RAPGEF6: variants seen among roughly 807,000 people sequenced by gnomAD.
RAPGEF6 encodes Rap guanine nucleotide exchange factor 6.
Under a neutral mutation model 171.4 loss-of-function variants are expected in RAPGEF6, and 56 were observed. The ratio of observed to expected loss-of-function variants is 0.33; its 90% CI spans 0.26 to 0.41. The LOEUF is 0.41. Ranked by LOEUF, RAPGEF6 falls within the 10% of genes least tolerant of loss-of-function variation. The pLI, the probability that RAPGEF6 is intolerant of heterozygous loss-of-function variation, is 1.00. For synonymous variants in RAPGEF6, 692 were observed against 650.1 expected, an observed-to-expected ratio of 1.06 and a Z score of -0.98; for missense variants, 1,674 against 1,921.4, an observed-to-expected ratio of 0.87 and a Z score of 2.41.
At chr5:131,631,621 C>A (rs1057478749) in intron 1 of RAPGEF6, among the ~76,000 whole-genome samples, 1 of 152,184 alleles carries the variant, frequency 6.6e-6, no homozygotes, top group Non-Finnish European at 1.5e-5. Flanking sequence ...TAAACACCTA[C>A]AGTCTATTCT....
chr5:131,540,538 T>C (rs1325870464), intron 6 of RAPGEF6, among the ~76,000 whole-genome samples: 1 of 152,178 alleles, frequency 6.6e-6, no homozygotes, highest in African/African-American at 2.4e-5. Context: ...TTTCACAGCT[T>C]GGGCAACAGA....
At chr5:131,469,818 G>A in intron 17 of RAPGEF6, 1 of 1,521,078 alleles carries the variant, frequency 6.6e-7, no homozygotes, top group Non-Finnish European at 8.8e-7. Flanking sequence ...ACCAACAGCT[G>A]TATGCAGCAA....
chr5:131,511,751 T>G (rs1757745273), intron 7 of RAPGEF6, among the ~76,000 whole-genome samples: 1 of 152,136 alleles, frequency 6.6e-6, no homozygotes, highest in Non-Finnish European at 1.5e-5. Flanking sequence ...TCCACCCACC[T>G]TGGCCTCCCA....
At chr5:131,592,082 C>G (rs1261220895) in intron 4 of RAPGEF6, among the ~76,000 whole-genome samples, 3 of 152,062 alleles carry the variant, frequency 2.0e-5, no homozygotes, top group African/African-American at 7.2e-5. Flanking sequence ...TCTCGAACTC[C>G]CGACCTCAGG....
intron 12 of RAPGEF6, among the ~76,000 whole-genome samples, chr5:131,498,239 C>T (rs1756761258): frequency 6.6e-6 from 1 of 152,140 alleles, no homozygotes; most frequent in Admixed American, 6.5e-5. Flanking sequence ...TCAGTTTTTG[C>T]CTTTTAAGGC....
In RAPGEF6 at chr5:131,548,165, T is replaced by C; in HGVS notation, c.377A>G (p.Asp126Gly). 2 of 1,613,870 alleles carry C rather than the reference T, an allele frequency of 1.2e-6. No homozygotes were observed. The highest frequency in any genetic ancestry group is 2.2e-5 in the East Asian group (1 of 44,840). The change falls in exon 6 of 28, where the codon GAT (aspartate) becomes GGT (glycine). Residue 126 changes from aspartate to glycine, a missense_variant. This residue lies in a region of RAPGEF6 where 1,116 missense variants were observed against 1,321.5 expected (regional missense o/e 0.84). Transcript: ENST00000509018. ...AGGAATTTCTCTTTGTAGAATACTATCTTCATTATCTTTGGCATTCTCTAC... is the reference window on the plus strand; with the variant it reads ...AGGAATTTCTCTTTGTAGAATACTACCTTCATTATCTTTGGCATTCTCTAC... ...IVVENAKDNE[D>G]SILQREIPAR... is the part of the protein sequence containing the mutation.
intron 1 of RAPGEF6, among the ~76,000 whole-genome samples, chr5:131,608,151 AC>A (rs962531732): frequency 2.6e-5 from 4 of 152,182 alleles, no homozygotes; most frequent in African/African-American, 9.7e-5. Context: ...CCATTCATTT[AC>A]CTATTGGCTA....
intron 4 of RAPGEF6, among the ~76,000 whole-genome samples, chr5:131,572,325 C>T (rs554429862): frequency 2.0e-5 from 3 of 152,312 alleles, no homozygotes; most frequent in East Asian, 1.9e-4. Context: ...TCTTCACACT[C>T]GGGTAAGCGG....
intron 17 of RAPGEF6, among the ~76,000 whole-genome samples, chr5:131,465,473 A>G (rs1314814882): frequency 6.6e-6 from 1 of 152,142 alleles, no homozygotes; most frequent in Non-Finnish European, 1.5e-5. Flanking sequence ...CTGTTGCAAA[A>G]GTTTCCTTTT....
chr5:131,544,270 T>A (rs1170454697), intron 6 of RAPGEF6, among the ~76,000 whole-genome samples: 2 of 152,212 alleles, frequency 1.3e-5, no homozygotes, highest in African/African-American at 4.8e-5. Context: ...GTAGCTTTAT[T>A]TGCAATTGCC....
chr5:131,432,400 C>T (rs770313570), intron 25 of RAPGEF6, among the ~76,000 whole-genome samples: 90 of 152,176 alleles, frequency 5.9e-4, no homozygotes, highest in Non-Finnish European at 1.0e-3. Flanking sequence ...GGGCGGATCA[C>T]GAGGTCAGGA....
chr5:131,483,238 A>G (rs1199615672), intron 15 of RAPGEF6, among the ~76,000 whole-genome samples: 2 of 150,722 alleles, frequency 1.3e-5, no homozygotes, highest in Non-Finnish European at 2.9e-5. Context: ...AATCCCAGTT[A>G]CTCCAGAGGC....
chr5:131,512,555 C>T (rs191683812), intron 7 of RAPGEF6, among the ~76,000 whole-genome samples: 32 of 152,176 alleles, frequency 2.1e-4, no homozygotes, highest in Admixed American at 2.0e-3. Context: ...GATCTGTTTC[C>T]TAAGACCATG....
intron 6 of RAPGEF6, among the ~76,000 whole-genome samples, chr5:131,527,795 C>A (rs1415882307): frequency 2.6e-5 from 4 of 151,784 alleles, no homozygotes; most frequent in African/African-American, 9.7e-5. Context: ...GCGGGCGGAT[C>A]ACAAGGTCAG....
rs1219255632 is a variant in RAPGEF6 at position 131,489,142 on chromosome 5, C to A, written c.1840+404G>T. On this transcript the variant is annotated intron_variant, in intron 15 of 27. Coordinates refer to ENST00000509018, the MANE Select transcript of RAPGEF6 (RefSeq NM_016340.6). ...TCCATAAAACAGCTAATCTGGCATT[C>A]ATATTACTTCAGAAAGCTGGCTTAA... 7.9e-5 allele frequency among the ~76,000 whole-genome samples: 12 copies of A among 152,150 alleles called. 1 individual carries two copies. Among genetic ancestry groups the A allele is most frequent in the Admixed American group, 7.9e-4 (12 of 15,280 alleles).
intron 16 of RAPGEF6, among the ~76,000 whole-genome samples, chr5:131,473,785 T>C (rs1057074901): frequency 2.0e-5 from 3 of 152,286 alleles, no homozygotes; most frequent in Admixed American, 1.3e-4. Context: ...ATGTAAAATA[T>C]AGGATTTTAC....
Position 131,632,140 on chromosome 5 carries a change from G to A in RAPGEF6, c.69+2822C>T, listed in dbSNP as rs561016614. Among the ~76,000 whole-genome samples the A allele has an allele frequency of 4.0e-5, 6 of 149,254 alleles. No homozygotes were observed. The East Asian group carries it at 5.9e-4, about 15-fold the overall frequency. ...CACTCCTCTGCTTCAAAATCTTTCA[G>A]TGCTCCCCCTCACTGAAAAGTCAAA... On this transcript the variant is annotated intron_variant, in intron 1 of 27. Transcript: ENST00000509018.
chr5:131,560,998 T>C (rs1012697179), intron 5 of RAPGEF6, among the ~76,000 whole-genome samples: 4 of 152,216 alleles, frequency 2.6e-5, no homozygotes, highest in Non-Finnish European at 5.9e-5. Context: ...TCAGATGACA[T>C]GGTCATCTAC....
At chr5:131,611,459 G>A (rs963033621) in intron 1 of RAPGEF6, among the ~76,000 whole-genome samples, 8 of 152,134 alleles carry the variant, frequency 5.3e-5, no homozygotes, top group Non-Finnish European at 1.0e-4. Context: ...ATCAACTCAG[G>A]TCAGGAGTTC....
Sources: gnomAD v4.1 joint callset for allele counts (sites outside exome capture counted in the v4.1 genomes callset) on GRCh38, gnomAD v4.1.1 for gene constraint, gnomAD v4.1.1 regional missense constraint, MANE v1.5 for transcripts, NCBI Gene and HGNC (gene_info 2026-07-23, HGNC 2026-07-21) for gene names.